The following NKX6-2 variants were observed in gnomAD, a reference collection of about 807,000 sequenced individuals.
NKX6-2 encodes NK6 homeobox 2.
In NKX6-2, 22 loss-of-function variants were observed where a neutral mutation model predicts 19.9. The observed-to-expected ratio is 1.10, with a 90% CI of 0.79 to 1.58. The LOEUF (loss-of-function observed/expected upper bound fraction) is 1.58, where lower values mean the gene tolerates loss of function less well. Among genes scored for constraint, NKX6-2 ranks in the 40% most tolerant of loss-of-function variants. The probability of loss-of-function intolerance (pLI) is 0.00; values close to 1 mark genes in which losing one functional copy is unlikely to be tolerated. For missense variants in NKX6-2, 475 were observed against 410.6 expected (o/e 1.16, Z -1.35); for synonymous variants, 257 against 204.0 (o/e 1.26, Z -2.21).
Position 132,785,262 on chromosome 10 carries a change from G to A in NKX6-2, c.579+18C>T, listed in dbSNP as rs1179517011. ...CGCGGGCCCCCGGCTCTGCTCTCCC[G>A]AGCCCCGCCGCGCTCACCTTCACCT... On this transcript the variant is annotated intron_variant, in intron 2 of 2. Transcript: ENST00000368592. The surrounding 1 kb of genome is among the most constrained non-coding windows in gnomAD (Gnocchi z 5.5). 3 of 1,599,064 alleles carry A rather than the reference G, an allele frequency of 1.9e-6. No individual in the cohort carries two copies. The highest frequency in any genetic ancestry group is 1.7e-6 in the Non-Finnish European group (2 of 1,174,480).
Position 132,785,265 on chromosome 10 carries a change from C to T in NKX6-2, c.579+15G>A. 2.5e-6 allele frequency: 4 copies of T among 1,599,692 alleles called. No individual in the cohort carries two copies. The highest frequency in any genetic ancestry group is 3.4e-6 in the Non-Finnish European group (4 of 1,174,738). On this transcript the variant is annotated intron_variant, in intron 2 of 2. Transcript: ENST00000368592. The surrounding 1 kb of genome is among the most constrained non-coding windows in gnomAD (Gnocchi z 5.5). ...GGGCCCCCGGCTCTGCTCTCCCGAGCCCCGCCGCGCTCACCTTCACCTGGC... is the reference window on the plus strand; with the variant it reads ...GGGCCCCCGGCTCTGCTCTCCCGAGTCCCGCCGCGCTCACCTTCACCTGGC...
Position 132,785,778 on chromosome 10 carries a change from C to A in NKX6-2, c.171G>T (p.Pro57=). The change falls in exon 1 of 3, where the codon CCG becomes CCT. Residue 57 remains proline (P), a synonymous_variant. Transcript: ENST00000368592. The surrounding 1 kb of genome is among the most constrained non-coding windows in gnomAD (Gnocchi z 5.5). ...GLGAQLPLGT[P]HGISDILGRP... ...GGCCCAGGATGTCGCTGATGCCGTG[C>A]GGGGTCCCGAGCGGGAGCTGCGCGC... is the stretch of plus-strand genomic sequence containing the variant. The A allele has an allele frequency of 5.3e-6, 7 of 1,311,938 alleles. No individual in the cohort carries two copies. Among genetic ancestry groups the A allele is most frequent in the South Asian group, 2.1e-5 (1 of 47,516 alleles). 81.3% of individuals were successfully genotyped at this position (1,311,938 alleles called of 1,614,324 possible).
Position 132,785,279 on chromosome 10 carries a change from CCTT to C in NKX6-2, c.577_579del (p.Lys193del). The C allele has an allele frequency of 6.2e-7, 1 of 1,604,698 alleles. No homozygotes were observed. The highest frequency in any genetic ancestry group is 1.1e-5 in the South Asian group (1 of 90,124). On this transcript the variant is annotated inframe_deletion and splice_region_variant, in exon 2 of 3. Transcript: ENST00000368592. This position sits in a 1 kb window ranked among gnomAD's most constrained non-coding sequence, Gnocchi z 5.5. ...GCTCTCCCGAGCCCCGCCGCGCTCACCTTCACCTGGCTCTCGGTCATGCCCAGC... is the reference window on the plus strand; with the variant it reads ...GCTCTCCCGAGCCCCGCCGCGCTCACCACCTGGCTCTCGGTCATGCCCAGC...
rs375840500 is a variant in NKX6-2 at position 132,785,132 on chromosome 10, C to T, written c.618G>A (p.Arg206=). 2.5e-6 allele frequency: 4 copies of T among 1,611,754 alleles called. No individual in the cohort carries two copies. The highest frequency in any genetic ancestry group is 3.4e-6 in the Non-Finnish European group (4 of 1,179,560). ...FQNRRTKWRK[R]HAVEMASAKK... is the part of the protein sequence containing the mutation. ...TGGCCGACGCCATCTCCACCGCGTGCCGCTTGCGCCACTTGGTCCGGCGGT... is the reference window on the plus strand; with the variant it reads ...TGGCCGACGCCATCTCCACCGCGTGTCGCTTGCGCCACTTGGTCCGGCGGT... The change falls in exon 3 of 3, where the codon CGG becomes CGA. Residue 206 remains arginine, a synonymous_variant. Coordinates refer to ENST00000368592, the MANE Select transcript of NKX6-2 (RefSeq NM_177400.3). This position sits in a 1 kb window ranked among gnomAD's most constrained non-coding sequence, Gnocchi z 5.5.
rs375835728 is a variant in NKX6-2, at chr10:132,785,016, T to C, written c.734A>G (p.Asn245Ser). The C allele has an allele frequency of 3.1e-6, 5 of 1,611,038 alleles. No homozygotes were observed. Among genetic ancestry groups the C allele is most frequent in the Non-Finnish European group, 4.2e-6 (5 of 1,178,226 alleles). ...DDEYNRPLDP[N>S]SDDEKITRLL... ...CCGCGTGATCTTCTCGTCGTCCGAGTTGGGGTCCAGGGGCCGGTTGTATTC... is the reference window on the plus strand; with the variant it reads ...CCGCGTGATCTTCTCGTCGTCCGAGCTGGGGTCCAGGGGCCGGTTGTATTC... Residue 245 changes from asparagine to serine, a missense_variant, in exon 3 of 3, where the codon AAC becomes AGC. Physicochemically the swap from Asn to Ser is conservative, Grantham distance 46. Transcript: ENST00000368592. This position sits in a 1 kb window ranked among gnomAD's most constrained non-coding sequence, Gnocchi z 5.5.
chr10:132,785,847 C>T lies in NKX6-2; in HGVS notation c.102G>A (p.Leu34=). 2.2e-6 allele frequency: 3 copies of T among 1,389,850 alleles called. No individual in the cohort carries two copies. Among genetic ancestry groups the T allele is most frequent in the South Asian group, 1.5e-5 (1 of 65,858 alleles). 86.1% of individuals were successfully genotyped at this position (1,389,850 alleles called of 1,614,324 possible). A position where few individuals can be genotyped will look rare whatever the true frequency, so the allele number is the denominator to read the frequency against. The part of the protein sequence containing the change: ...EMKTSLFPYA[L]QGPAGFKAPA... ...GCGCCTTGAAGCCGGCCGGACCCTGCAGCGCGTAGGGGAACAGCGACGTCT... is the reference window on the plus strand; with the variant it reads ...GCGCCTTGAAGCCGGCCGGACCCTGTAGCGCGTAGGGGAACAGCGACGTCT... The change falls in exon 1 of 3, where the codon CTG becomes CTA. Residue 34 remains leucine, a synonymous_variant. Transcript: ENST00000368592. The surrounding 1 kb of genome is among the most constrained non-coding windows in gnomAD (Gnocchi z 5.5).
In NKX6-2 at chr10:132,784,848, C is replaced by A. The variant is rs1847229512; in HGVS notation, c.*68G>T. ...TAAATAATTTATTGATGATACAAAG[C>A]GACTCGCGCCCACCCGGGGCCGCCC... On this transcript the variant is annotated 3_prime_UTR_variant, in exon 3 of 3. Transcript: ENST00000368592. 7 of 1,236,168 alleles carry A rather than the reference C, an allele frequency of 5.7e-6. No individual in the cohort carries two copies. The highest frequency in any genetic ancestry group is 8.1e-6 in the Non-Finnish European group (7 of 864,988). 76.6% of individuals were successfully genotyped at this position (1,236,168 alleles called of 1,614,324 possible).
In NKX6-2 at chr10:132,784,059, C is replaced by G. The variant is rs1350990093; in HGVS notation, c.*857G>C. 1 of 152,280 alleles carries G rather than the reference C, an allele frequency of 6.6e-6. No individual in the cohort carries two copies. Among genetic ancestry groups the G allele is most frequent in the Admixed American group, 6.5e-5 (1 of 15,294 alleles). The allele number at this position is 152,280 out of a possible 1,614,324, so 9.4% of individuals were successfully genotyped here. A position where few individuals can be genotyped will look rare whatever the true frequency, so the allele number is the denominator to read the frequency against. ...GGGTTTTGTCAGCCGCAGTCACAGCCCCGCGGAGCTGGCGGCATTTCAGGG... is the reference window on the plus strand; with the variant it reads ...GGGTTTTGTCAGCCGCAGTCACAGCGCCGCGGAGCTGGCGGCATTTCAGGG... On this transcript the variant is annotated 3_prime_UTR_variant, in exon 3 of 3. Transcript: ENST00000368592.
chr10:132,785,448 CG>C lies in NKX6-2; in HGVS notation c.410del (p.Pro137ArgfsTer51). 1.3e-6 allele frequency: 2 copies of C among 1,576,470 alleles called. No individual in the cohort carries two copies. Among genetic ancestry groups the C allele is most frequent in the East Asian group, 2.4e-5 (1 of 41,270 alleles). The stretch of plus-strand genomic sequence containing the variant: ...CGTCCTTGTCCAGGACGCCGCCGGC[CG>C]GGGCTGCAAGGGAGGGGAAGGGAGG... ...WRDPRLAGPAPAGGVLDKDGK... is the reference protein window; with the variant it reads ...WRDPRLAGPAXAGGVLDKDGK... On this transcript the variant is annotated frameshift_variant, in exon 2 of 3. Coordinates refer to ENST00000368592, the MANE Select transcript of NKX6-2 (RefSeq NM_177400.3). LOFTEE classifies it high-confidence loss of function. The surrounding 1 kb of genome is among the most constrained non-coding windows in gnomAD (Gnocchi z 5.5).
In NKX6-2 at chr10:132,785,329, T is replaced by C. The variant is rs779240546; in HGVS notation, c.530A>G (p.Glu177Gly). Residue 177 changes from glutamate to glycine, a missense_variant, in exon 2 of 3, where the codon GAG (glutamate) becomes GGG (glycine). Glu to Gly is a moderately conservative substitution (Grantham distance 98). Transcript: ENST00000368592. The surrounding 1 kb of genome is among the most constrained non-coding windows in gnomAD (Gnocchi z 5.5). ...FEQTKYLAGP[E>G]RARLAYSLGM... ...CAGCGAGTAGGCGAGACGCGCGCGC[T>C]CCGGGCCCGCCAGGTACTTGGTCTG... 10 of 1,606,056 alleles carry C rather than the reference T, an allele frequency of 6.2e-6. No homozygotes were observed. The South Asian group carries it at 1.1e-4, about 18-fold the overall frequency.
chr10:132,783,388 C>G lies in NKX6-2; in HGVS notation c.*1528G>C, dbSNP rs1211084483. 2 of 152,310 alleles carry G rather than the reference C, an allele frequency of 1.3e-5. No homozygotes were observed. The highest frequency in any genetic ancestry group is 4.8e-5 in the African/African-American group (2 of 41,408). The allele number at this position is 152,310 out of a possible 1,614,324, so 9.4% of individuals were successfully genotyped here. On this transcript the variant is annotated 3_prime_UTR_variant, in exon 3 of 3. Coordinates refer to ENST00000368592, the MANE Select transcript of NKX6-2 (RefSeq NM_177400.3). ...GCTGTCCGCGGTTCAACACGGAGTC[C>G]GCCCCGCGGGTTTCAGCTGTTGGTC...
In NKX6-2 at chr10:132,785,743, C is replaced by T; in HGVS notation, c.206G>A (p.Gly69Asp). The T allele has an allele frequency of 8.1e-7, 1 of 1,233,550 alleles. No homozygotes were observed. The highest frequency in any genetic ancestry group is 3.4e-5 in the East Asian group (1 of 29,748). The allele number at this position is 1,233,550 out of a possible 1,614,324, so 76.4% of individuals were successfully genotyped here. A position where few individuals can be genotyped will look rare whatever the true frequency, so the allele number is the denominator to read the frequency against. Residue 69 changes from glycine to aspartate, a missense_variant, in exon 1 of 3, where the codon GGC becomes GAC. Transcript: ENST00000368592. This position sits in a 1 kb window ranked among gnomAD's most constrained non-coding sequence, Gnocchi z 5.5. ...GISDILGRPV[G>D]AAGGGLLGGL... ...CCCCAGGAGGCCCCCGCCCGCCGCGCCCACGGGCCGGCCCAGGATGTCGCT... is the reference window on the plus strand; with the variant it reads ...CCCCAGGAGGCCCCCGCCCGCCGCGTCCACGGGCCGGCCCAGGATGTCGCT...
chr10:132,785,503 C>T lies in NKX6-2; in HGVS notation c.406+40G>A. ...GTCAGCGGCCGGCGGGGTCCCCCTC[C>T]GCGCCCACCCGCCCCGCACCCCCCG... On this transcript the variant is annotated intron_variant, in intron 1 of 2. Transcript: ENST00000368592. The surrounding 1 kb of genome is among the most constrained non-coding windows in gnomAD (Gnocchi z 5.5). 1 of 1,430,526 alleles carries T rather than the reference C, an allele frequency of 7.0e-7. No individual in the cohort carries two copies. The allele number at this position is 1,430,526 out of a possible 1,614,324, so 88.6% of individuals were successfully genotyped here. A position where few individuals can be genotyped will look rare whatever the true frequency, so the allele number is the denominator to read the frequency against.
In NKX6-2 at chr10:132,785,521, AC is replaced by A. The variant is rs1298037055; in HGVS notation, c.406+21del. 12 of 1,355,128 alleles carry A rather than the reference AC, an allele frequency of 8.9e-6. No individual in the cohort carries two copies. Among genetic ancestry groups the A allele is most frequent in the Admixed American group, 3.6e-5 (1 of 27,398 alleles). 83.9% of individuals were successfully genotyped at this position (1,355,128 alleles called of 1,614,324 possible). On this transcript the variant is annotated intron_variant, in intron 1 of 2. Coordinates refer to ENST00000368592, the MANE Select transcript of NKX6-2 (RefSeq NM_177400.3). This position sits in a 1 kb window ranked among gnomAD's most constrained non-coding sequence, Gnocchi z 5.5. ...CCCCCTCCGCGCCCACCCGCCCCGC[AC>A]CCCCCGCGCGGGCCACTCACCCGGG...
rs1299057601 is a variant in NKX6-2 at position 132,783,498 on chromosome 10, CT to C, written c.*1417del. 6 of 152,458 alleles carry C rather than the reference CT, an allele frequency of 3.9e-5. No homozygotes were observed. The East Asian group carries it at 5.8e-4, about 15-fold the overall frequency. The allele number at this position is 152,458 out of a possible 1,614,324, so 9.4% of individuals were successfully genotyped here. A position where few individuals can be genotyped will look rare whatever the true frequency, so the allele number is the denominator to read the frequency against. ...TGAAAATAGTCCCGTGTTGCTTTTT[CT>C]TCCTTTCCCTTCTCCTGCCACCTTT... On this transcript the variant is annotated 3_prime_UTR_variant, in exon 3 of 3. Transcript: ENST00000368592.
rs985723207 is a variant in NKX6-2 at position 132,783,847 on chromosome 10, AACAAAAC to A, written c.*1062_*1068del. The A allele has an allele frequency of 1.3e-5, 2 of 152,264 alleles. No homozygotes were observed. The highest frequency in any genetic ancestry group is 4.8e-5 in the African/African-American group (2 of 41,466). 9.4% of individuals were successfully genotyped at this position (152,264 alleles called of 1,614,324 possible). The stretch of plus-strand genomic sequence containing the variant: ...GTAAAGAAGGCTGCTAAGAGCCTAA[AACAAAAC>A]GCGCCGAGTTTAAGCCCTTTCTATT... On this transcript the variant is annotated 3_prime_UTR_variant, in exon 3 of 3. Coordinates refer to ENST00000368592, the MANE Select transcript of NKX6-2 (RefSeq NM_177400.3).
rs534375411 is a variant in NKX6-2 at position 132,783,342 on chromosome 10, C to A, written c.*1574G>T. The A allele has an allele frequency of 3.5e-4, 54 of 152,472 alleles. No individual in the cohort carries two copies. The highest frequency in any genetic ancestry group is 1.3e-3 in the Admixed American group (20 of 15,306). 9.4% of individuals were successfully genotyped at this position (152,472 alleles called of 1,614,324 possible). On this transcript the variant is annotated 3_prime_UTR_variant, in exon 3 of 3. Coordinates refer to ENST00000368592, the MANE Select transcript of NKX6-2 (RefSeq NM_177400.3). ...TCTGTTCTTGGTGGAAGCACAGGTC[C>A]GTGTCGCTGCTGTGGTTGCCGCTGT... is the stretch of plus-strand genomic sequence containing the variant.
At position 132,785,841 on chromosome 10, in the gene NKX6-2, A is replaced by G; in HGVS notation, c.108T>C (p.Gly36=). ...GCGCGGGCGCCTTGAAGCCGGCCGG[A>G]CCCTGCAGCGCGTAGGGGAACAGCG... ...KTSLFPYALQ[G]PAGFKAPALG... The change falls in exon 1 of 3, where the codon GGT becomes GGC. Residue 36 remains glycine, a synonymous_variant. Transcript: ENST00000368592. The surrounding 1 kb of genome is among the most constrained non-coding windows in gnomAD (Gnocchi z 5.5). 7.2e-7 allele frequency: 1 copy of G among 1,384,624 alleles called. No individual in the cohort carries two copies. The highest frequency in any genetic ancestry group is 9.4e-7 in the Non-Finnish European group (1 of 1,060,982). 85.8% of individuals were successfully genotyped at this position (1,384,624 alleles called of 1,614,324 possible).
rs1253748903 is a variant in NKX6-2 at position 132,783,410 on chromosome 10, G to A, written c.*1506C>T. ...GTCCGCCCCGCGGGTTTCAGCTGTT[G>A]GTCGTTCTGAGGGGCCTTTGGAAGT... On this transcript the variant is annotated 3_prime_UTR_variant, in exon 3 of 3. Coordinates refer to ENST00000368592, the MANE Select transcript of NKX6-2 (RefSeq NM_177400.3). The A allele has an allele frequency of 1.3e-5, 2 of 152,396 alleles. No individual in the cohort carries two copies. The highest frequency in any genetic ancestry group is 4.8e-5 in the African/African-American group (2 of 41,430). 9.4% of individuals were successfully genotyped at this position (152,396 alleles called of 1,614,324 possible).
Sources: gnomAD v4.1 joint callset for allele counts on GRCh38, gnomAD v4.1.1 for gene constraint, Gnocchi (gnomAD v3.1) non-coding constraint, MANE v1.5 for transcripts, NCBI Gene and HGNC (gene_info 2026-07-23, HGNC 2026-07-21) for gene names.